Variants in PHF14 observed in about 807,000 individuals in gnomAD.
PHF14 encodes PHD finger protein 14.
Under a neutral mutation model 117.9 loss-of-function variants are expected in PHF14, and 55 were observed. The observed-to-expected ratio is 0.47, with a 90% CI of 0.38 to 0.58. The LOEUF (loss-of-function observed/expected upper bound fraction) is 0.58. PHF14 is among the 20% of genes least tolerant of loss of function. The probability of loss-of-function intolerance (pLI) is 0.00; values close to 1 mark genes in which losing one functional copy is unlikely to be tolerated. For missense variants in PHF14, 978 were observed against 1,122.2 expected (o/e 0.87, Z 1.84); for synonymous variants, 409 against 368.6 (o/e 1.11, Z -1.26).
intron 16 of PHF14, among the ~76,000 whole-genome samples, chr7:11,088,347 T>C (rs1383026764): frequency 6.6e-6 from 1 of 152,092 alleles, no homozygotes; most frequent in African/African-American, 2.4e-5. Context: ...CCTGCAGATA[T>C]GGAGGGCAGA....
At chr7:11,095,512 G>T (rs983507012) in intron 16 of PHF14, among the ~76,000 whole-genome samples, 2 of 152,084 alleles carry the variant, frequency 1.3e-5, no homozygotes, top group Non-Finnish European at 2.9e-5. Context: ...AGAGTCAAGG[G>T]CATTTCGTTT....
At chr7:10,978,630 T>C (rs1286945727) in intron 2 of PHF14, among the ~76,000 whole-genome samples, 1 of 152,154 alleles carries the variant, frequency 6.6e-6, no homozygotes, top group African/African-American at 2.4e-5. Context: ...TGGCATTTTG[T>C]GTTGGATAAT....
chr7:11,152,793 T>G (rs1165762567), intron 17 of PHF14, among the ~76,000 whole-genome samples: 1 of 152,128 alleles, frequency 6.6e-6, no homozygotes, highest in Non-Finnish European at 1.5e-5. Flanking sequence ...AGGGCAGATT[T>G]TGTGCATAAA....
intron 13 of PHF14, among the ~76,000 whole-genome samples, chr7:11,046,114 T>A (rs1784654102): frequency 6.6e-6 from 1 of 152,284 alleles, no homozygotes; most frequent in African/African-American, 2.4e-5. Context: ...TCTATTTTGT[T>A]TGTACCTCTT....
intron 14 of PHF14, among the ~76,000 whole-genome samples, chr7:11,058,796 AAAAGTCACTGAAGTG>A (rs1785106175): frequency 6.6e-6 from 1 of 152,240 alleles, no homozygotes; most frequent in African/African-American, 2.4e-5. Context: ...GCCATGCAAG[AAAAGTCACTGAAGTG>A]ACAGTTGAGA....
At chr7:11,144,854 C>T (rs1322242768) in intron 17 of PHF14, among the ~76,000 whole-genome samples, 5 of 151,556 alleles carry the variant, frequency 3.3e-5, no homozygotes, top group African/African-American at 1.2e-4. Context: ...CACAAAAAGA[C>T]AGATACTGTG....
chr7:10,984,992 C>T (rs1166707956), intron 3 of PHF14, among the ~76,000 whole-genome samples: 1 of 152,240 alleles, frequency 6.6e-6, no homozygotes, highest in Middle Eastern at 3.4e-3. Context: ...CAGAATAATT[C>T]TCCTTAAAAG....
intron 4 of PHF14, among the ~76,000 whole-genome samples, chr7:11,005,787 C>CTTTTTTTTTTTT (rs951270672): frequency 2.4e-5 from 2 of 84,448 alleles, no homozygotes; most frequent in Non-Finnish European, 4.4e-5. Flanking sequence ...AGTAAAAATT[C>CTTTTTTTTTTTT]TTTTTTTTTT....
intron 17 of PHF14, among the ~76,000 whole-genome samples, chr7:11,116,963 A>G (rs545565379): frequency 4.6e-5 from 7 of 152,124 alleles, no homozygotes; most frequent in Admixed American, 1.3e-4. Context: ...TAATTTAAAA[A>G]GTAGGACATA....
intron 3 of PHF14, among the ~76,000 whole-genome samples, chr7:10,987,345 T>C (rs1413058931): frequency 6.6e-6 from 1 of 152,124 alleles, no homozygotes; most frequent in Non-Finnish European, 1.5e-5. Flanking sequence ...GGAAATGTGC[T>C]GGAATTTCCT....
At chr7:11,006,383 G>T in intron 4 of PHF14, 1 of 502,232 alleles carries the variant, frequency 2.0e-6, no homozygotes, top group Non-Finnish European at 3.9e-6. Flanking sequence ...TTTAGAATTA[G>T]CCAGCTGGAC....
At chr7:11,035,314 G>C (rs35754830) in intron 7 of PHF14, among the ~76,000 whole-genome samples, 26,932 of 151,844 alleles carry the variant, frequency 0.18, 2,807 homozygotes, top group East Asian at 0.28. Flanking sequence ...TGGTATCCTT[G>C]GGGGGTCCTG....
chr7:11,146,335 A>G (rs529130292), intron 17 of PHF14, among the ~76,000 whole-genome samples: 9 of 152,262 alleles, frequency 5.9e-5, no homozygotes, highest in African/African-American at 1.4e-4. Flanking sequence ...TTCATTGACA[A>G]ATGTTTTAAC....
intron 17 of PHF14, among the ~76,000 whole-genome samples, chr7:11,162,862 G>C (rs1024881483): frequency 6.6e-6 from 1 of 151,970 alleles, no homozygotes; most frequent in South Asian, 2.1e-4. Context: ...TCTTTGCTAC[G>C]AAAAGCTGCC....
At chr7:11,151,871 T>C (rs779666010) in intron 17 of PHF14, among the ~76,000 whole-genome samples, 7 of 152,164 alleles carry the variant, frequency 4.6e-5, no homozygotes, top group Admixed American at 1.3e-4. Context: ...CATTCCAAGG[T>C]AATGACAGAA....
In PHF14 at chr7:11,022,943, A is replaced by G. The variant is rs1783784457; in HGVS notation, c.1281A>G (p.Thr427=). Residue 427 remains threonine, a synonymous_variant, in exon 6 of 18, where the codon ACA becomes ACG. Transcript: ENST00000634607. ...FGDIDKLRPV[T]LTEMNYSKYG... Reference sequence around the variant, plus strand: ...ATATTGACAAATTACGACCAGTAACACTAACGGAAATGAACTATTCCAAAT... The same window carrying G: ...ATATTGACAAATTACGACCAGTAACGCTAACGGAAATGAACTATTCCAAAT... 1 of 1,609,072 alleles carries G rather than the reference A, an allele frequency of 6.2e-7. No individual in the cohort carries two copies. The highest frequency in any genetic ancestry group is 1.3e-5 in the African/African-American group (1 of 74,846).
At chr7:11,111,646 A>G (rs1020812100) in intron 17 of PHF14, among the ~76,000 whole-genome samples, 179 bp downstream of exon 17, 4 of 152,048 alleles carry the variant, frequency 2.6e-5, no homozygotes, top group African/African-American at 9.7e-5. Context: ...GGAAAAAACA[A>G]CTCTACTAAA....
intron 17 of PHF14, among the ~76,000 whole-genome samples, chr7:11,122,331 T>TTTTATA (rs1236770638): frequency 1.1e-4 from 9 of 84,052 alleles, no homozygotes; most frequent in Admixed American, 3.9e-4. Context: ...TTTGTACTTT[T>TTTTATA]TATATATATA....
intron 16 of PHF14, 84 bp downstream of exon 16, chr7:11,062,169 T>A (rs747757516): frequency 8.5e-7 from 1 of 1,172,690 alleles, no homozygotes; most frequent in Non-Finnish European, 1.2e-6. Context: ...AAAAAACAAT[T>A]GCAGGATAAG....
Sources: allele counts gnomAD v4.1 joint callset (sites outside exome capture counted in the v4.1 genomes callset), GRCh38; gene constraint gnomAD v4.1.1; transcripts MANE v1.5; gene names NCBI Gene and HGNC (gene_info 2026-07-23, HGNC 2026-07-21).